Variants in CFAP58 observed in about 807,000 individuals in gnomAD.
The protein encoded by CFAP58 is cilia and flagella associated protein 58, also known as cilia- and flagella-associated protein 58.
A neutral mutation model predicts 119.5 loss-of-function variants in CFAP58; 88 were observed. The observed-to-expected ratio is 0.74, with a 90% confidence interval of 0.62 to 0.88. The LOEUF (loss-of-function observed/expected upper bound fraction) is 0.88, where lower values mean the gene tolerates loss of function less well. Among genes scored for constraint, CFAP58 ranks in the 40% least tolerant of loss-of-function variants. The probability of loss-of-function intolerance (pLI) is 0.00; values close to 1 mark genes in which losing one functional copy is unlikely to be tolerated. For synonymous variants in CFAP58, 365 were observed against 366.3 expected, an observed-to-expected ratio of 1.00 and a Z score of 0.04; for missense variants, 990 against 1,021.2, an observed-to-expected ratio of 0.97 and a Z score of 0.42.
chr10:104,339,184 C>T, the CFAP58 span, among the ~76,000 whole-genome samples: 1 of 152,186 alleles, frequency 6.6e-6, no homozygotes, highest in African/African-American at 2.4e-5. Flanking sequence ...GCCACCGCGC[C>T]CGACTTTTAT....
the CFAP58 span, among the ~76,000 whole-genome samples, chr10:104,346,633 C>CTTTTTTTTTTTTTTT: frequency 7.7e-4 from 78 of 101,116 alleles, 12 homozygotes; most frequent in African/African-American, 1.2e-3. Context: ...GCCATTTAGT[C>CTTTTTTTTTTTTTTT]TTTTTTTTTT....
At chr10:104,433,476 T>C (rs2012882673) in intron 15 of CFAP58, among the ~76,000 whole-genome samples, 1 of 152,110 alleles carries the variant, frequency 6.6e-6, no homozygotes, top group Non-Finnish European at 1.5e-5. Flanking sequence ...GAGGTGGAAA[T>C]AGGGGAAGGG....
chr10:104,388,642 A>G (rs1239197140), intron 9 of CFAP58, among the ~76,000 whole-genome samples: 1 of 152,240 alleles, frequency 6.6e-6, no homozygotes, highest in Non-Finnish European at 1.5e-5. Flanking sequence ...AGAAAAACTT[A>G]TTGGAGAAGT....
chr10:104,404,802 G>A (rs1181472064), intron 14 of CFAP58, among the ~76,000 whole-genome samples: 2 of 152,124 alleles, frequency 1.3e-5, no homozygotes, highest in Non-Finnish European at 2.9e-5. Flanking sequence ...GCAGAGACAC[G>A]GTTTCACCGT....
upstream of CFAP58, among the ~76,000 whole-genome samples, chr10:104,350,373 G>C (rs530235103): frequency 2.0e-5 from 3 of 152,296 alleles, no homozygotes; most frequent in African/African-American, 7.2e-5. Context: ...AGTGATTCTT[G>C]TTATTACAAC....
Position 104,371,036 on chromosome 10 carries a change from A to C in CFAP58, c.1072A>C (p.Ile358Leu), listed in dbSNP as rs1157072758. The C allele has an allele frequency of 5.6e-6, 9 of 1,609,762 alleles. No homozygotes were observed. Among genetic ancestry groups the C allele is most frequent in the Non-Finnish European group, 5.1e-6 (6 of 1,178,904 alleles). The change falls in exon 7 of 18, where the codon ATT becomes CTT. Residue 358 changes from isoleucine to leucine, a missense_variant. Coordinates refer to ENST00000369704, the MANE Select transcript of CFAP58 (RefSeq NM_001008723.2). ...GCACAAAGAAACCCTAAAAAATCAG[A>C]TTGTGGGATTAGAGAGAGGTAAACC... ...EQHKETLKNQ[I>L]VGLEREVEAS... is the part of the protein sequence containing the mutation.
intron 15 of CFAP58, among the ~76,000 whole-genome samples, chr10:104,423,857 G>A (rs1287090861): frequency 2.6e-4 from 39 of 152,234 alleles, no homozygotes; most frequent in Middle Eastern, 3.4e-3. Context: ...TCCTCTGTTG[G>A]TGTTTTACCC....
chr10:104,444,846 A>G (rs1196251573), intron 15 of CFAP58, among the ~76,000 whole-genome samples: 1 of 152,190 alleles, frequency 6.6e-6, no homozygotes, highest in African/African-American at 2.4e-5. Flanking sequence ...TCTACCCACC[A>G]TGAACACACA....
chr10:104,349,437 C>G (rs1031746988), upstream of CFAP58, among the ~76,000 whole-genome samples: 1 of 152,184 alleles, frequency 6.6e-6, no homozygotes, highest in Non-Finnish European at 1.5e-5. Context: ...CATCACATAC[C>G]TCGTGTCTCT....
chr10:104,431,539 A>G (rs1023240684), intron 15 of CFAP58, among the ~76,000 whole-genome samples: 1 of 152,212 alleles, frequency 6.6e-6, no homozygotes, highest in Admixed American at 6.5e-5. Flanking sequence ...TAATGCAGAA[A>G]AGTCGAGTAT....
At chr10:104,407,049 AT>A (rs1293124323) in intron 15 of CFAP58, among the ~76,000 whole-genome samples, 1 of 152,206 alleles carries the variant, frequency 6.6e-6, no homozygotes, top group Non-Finnish European at 1.5e-5. Flanking sequence ...AGCAACCCCC[AT>A]CCCACTTCTC....
chr10:104,403,765 G>A lies in CFAP58; in HGVS notation c.2076G>A (p.Lys692=), dbSNP rs1315994588. 2 of 1,612,318 alleles carry A rather than the reference G, an allele frequency of 1.2e-6. No individual in the cohort carries two copies. Among genetic ancestry groups the A allele is most frequent in the South Asian group, 2.2e-5 (2 of 90,660 alleles). The part of the protein sequence containing the change: ...EFFHMQRELL[K]ERTRCRALEE... ...TTCACATGCAAAGAGAATTGTTGAAGGAGAGGACACGCTGCCGAGCCCTGG... is the reference window on the plus strand; with the variant it reads ...TTCACATGCAAAGAGAATTGTTGAAAGAGAGGACACGCTGCCGAGCCCTGG... Residue 692 remains lysine, a synonymous_variant, in exon 14 of 18, where the codon AAG becomes AAA. Transcript: ENST00000369704.
At chr10:104,428,895 G>T (rs1374964145) in intron 15 of CFAP58, among the ~76,000 whole-genome samples, 1 of 152,214 alleles carries the variant, frequency 6.6e-6, no homozygotes, top group African/African-American at 2.4e-5. Context: ...GAGCAAGTAT[G>T]TTGGAGGTGA....
chr10:104,348,343 A>G, the CFAP58 span, among the ~76,000 whole-genome samples: 2 of 152,178 alleles, frequency 1.3e-5, no homozygotes, highest in African/African-American at 4.8e-5. Context: ...TTTACTTCAT[A>G]TCTTCACTGG....
chr10:104,357,534 G>C (rs2014558605), intron 1 of CFAP58, among the ~76,000 whole-genome samples: 1 of 152,184 alleles, frequency 6.6e-6, no homozygotes, highest in Non-Finnish European at 1.5e-5. Context: ...AAGAAGCAGG[G>C]CCCAGTGAAA....
At chr10:104,381,723 C>A (rs1338154612) in intron 9 of CFAP58, among the ~76,000 whole-genome samples, 1 of 152,018 alleles carries the variant, frequency 6.6e-6, no homozygotes, top group East Asian at 1.9e-4. Context: ...GATAGGAAGT[C>A]AGCTTCTTCC....
chr10:104,439,471 A>G (rs1400205926), intron 15 of CFAP58, among the ~76,000 whole-genome samples: 1 of 152,176 alleles, frequency 6.6e-6, no homozygotes, highest in Non-Finnish European at 1.5e-5. Context: ...TAAAATGTAA[A>G]ATTTGTTAAT....
chr10:104,410,764 T>C (rs1357249895), intron 15 of CFAP58, among the ~76,000 whole-genome samples: 1 of 152,164 alleles, frequency 6.6e-6, no homozygotes, highest in African/African-American at 2.4e-5. Flanking sequence ...ATCTGAGGGT[T>C]CCTGTGTCTT....
Position 104,368,694 on chromosome 10 carries a change from G to A in CFAP58, c.930+134G>A, listed in dbSNP as rs934321337. On this transcript the variant is annotated intron_variant, in intron 6 of 17. Transcript: ENST00000369704. ...ATTGACACATCAGAGGCAGGTGCAA[G>A]CCTATAGTGATTGCTTTAGGCCCAG... The A allele has an allele frequency of 1.3e-5, 11 of 862,010 alleles. No individual in the cohort carries two copies. The Admixed American group carries it at 2.5e-4, about 20-fold the overall frequency. 53.4% of individuals were successfully genotyped at this position (862,010 alleles called of 1,614,324 possible). A position where few individuals can be genotyped will look rare whatever the true frequency, so the allele number is the denominator to read the frequency against.
Sources: allele counts gnomAD v4.1 joint callset (sites outside exome capture counted in the v4.1 genomes callset), GRCh38; gene constraint gnomAD v4.1.1; transcripts MANE v1.5; gene names NCBI Gene and HGNC (gene_info 2026-07-23, HGNC 2026-07-21).